Variants in LHFPL3 observed in about 807,000 individuals in gnomAD.
LHFPL3 encodes LHFPL tetraspan subfamily member 3 protein.
In LHFPL3, 5 loss-of-function variants were observed where a neutral mutation model predicts 19.3. The ratio of observed to expected loss-of-function variants is 0.26; its 90% CI spans 0.14 to 0.54. The LOEUF is 0.54. LHFPL3 is among the 20% of genes least tolerant of loss of function. LHFPL3 has a pLI of 0.94. For missense variants in LHFPL3, 249 were observed against 307.4 expected (o/e 0.81, Z 1.42); for synonymous variants, 133 against 126.2 (o/e 1.05, Z -0.36).
chr7:104,698,862 A>G (rs536017706), intron 1 of LHFPL3, among the ~76,000 whole-genome samples: 1 of 152,346 alleles, frequency 6.6e-6, no homozygotes, highest in South Asian at 2.1e-4. Flanking sequence ...AAAAAGACCG[A>G]TATTTTAAAT....
chr7:104,449,364 T>C (rs939158898), intron 1 of LHFPL3, among the ~76,000 whole-genome samples: 3 of 152,200 alleles, frequency 2.0e-5, no homozygotes, highest in Non-Finnish European at 4.4e-5. Flanking sequence ...CTTCCTTTGA[T>C]AGCAAGGTAC....
chr7:104,602,450 G>T (rs373056277), intron 1 of LHFPL3, among the ~76,000 whole-genome samples: 14 of 152,214 alleles, frequency 9.2e-5, no homozygotes, highest in African/African-American at 3.1e-4. Flanking sequence ...GAAGCTAGAA[G>T]ATTCTGAAAA....
At chr7:104,749,914 G>A (rs949754189) in intron 2 of LHFPL3, among the ~76,000 whole-genome samples, 23 of 152,124 alleles carry the variant, frequency 1.5e-4, no homozygotes, top group Non-Finnish European at 2.2e-4. Context: ...ATTTATTTTA[G>A]CCTCAACTGG....
At chr7:104,849,068 C>G (rs1310065993) in intron 2 of LHFPL3, among the ~76,000 whole-genome samples, 3 of 152,002 alleles carry the variant, frequency 2.0e-5, no homozygotes, top group African/African-American at 7.3e-5. Context: ...GTAGCTGGGA[C>G]TACAGGCATG....
At chr7:104,606,136 C>T (rs964311152) in intron 1 of LHFPL3, among the ~76,000 whole-genome samples, 3 of 152,144 alleles carry the variant, frequency 2.0e-5, no homozygotes, top group Non-Finnish European at 4.4e-5. Context: ...GTTGAGATTA[C>T]AGGCGTGAGC....
intron 1 of LHFPL3, among the ~76,000 whole-genome samples, chr7:104,714,087 T>A (rs1186807936): frequency 6.6e-6 from 1 of 152,200 alleles, no homozygotes; most frequent in East Asian, 1.9e-4. Context: ...AAGGTTTTAT[T>A]TATAAACTTT....
At chr7:104,410,880 C>T (rs1791522894) in intron 1 of LHFPL3, among the ~76,000 whole-genome samples, 1 of 152,118 alleles carries the variant, frequency 6.6e-6, no homozygotes, top group Non-Finnish European at 1.5e-5. Context: ...CTAATGCTGA[C>T]ATATTTGAGT....
chr7:104,492,489 G>A (rs62485109), intron 1 of LHFPL3, among the ~76,000 whole-genome samples: 14,129 of 152,278 alleles, frequency 0.093, 787 homozygotes, highest in Middle Eastern at 0.16. Context: ...TACCATGTCA[G>A]GTGTATTAAA....
chr7:104,500,837 C>T (rs573482127), intron 1 of LHFPL3, among the ~76,000 whole-genome samples: 11 of 152,294 alleles, frequency 7.2e-5, no homozygotes, highest in African/African-American at 2.6e-4. Flanking sequence ...TCCTCCTTCA[C>T]GTCTCCCAGC....
intron 1 of LHFPL3, among the ~76,000 whole-genome samples, chr7:104,373,573 A>C (rs774160751): frequency 6.6e-6 from 1 of 152,062 alleles, no homozygotes; most frequent in Non-Finnish European, 1.5e-5. Flanking sequence ...CATGGGCCCA[A>C]GGTGGTCGGG....
At chr7:104,584,202 G>A (rs1343166254) in intron 1 of LHFPL3, among the ~76,000 whole-genome samples, 5 of 151,926 alleles carry the variant, frequency 3.3e-5, no homozygotes, top group South Asian at 2.1e-4. Context: ...GCAACCTATC[G>A]CAAGGACAAA....
intron 1 of LHFPL3, among the ~76,000 whole-genome samples, chr7:104,571,861 T>C (rs1790236677): frequency 6.6e-6 from 1 of 151,970 alleles, no homozygotes; most frequent in Non-Finnish European, 1.5e-5. Flanking sequence ...CTGATGATTC[T>C]CTGGATGCAT....
intron 2 of LHFPL3, among the ~76,000 whole-genome samples, chr7:104,771,814 C>A (rs1432362414): frequency 1.6e-5 from 2 of 122,566 alleles, no homozygotes; most frequent in African/African-American, 3.0e-5. Flanking sequence ...TCTTTTGCCT[C>A]TCTTTTTTTT....
chr7:104,412,020 A>G (rs1457900216), intron 1 of LHFPL3, among the ~76,000 whole-genome samples: 1 of 152,332 alleles, frequency 6.6e-6, no homozygotes, highest in East Asian at 1.9e-4. Context: ...GAACATGGGC[A>G]TAAAATTAAG....
intron 1 of LHFPL3, among the ~76,000 whole-genome samples, chr7:104,334,809 C>T (rs1400482249): frequency 6.6e-6 from 1 of 151,940 alleles, no homozygotes; most frequent in Non-Finnish European, 1.5e-5. Flanking sequence ...GCAAATTTTC[C>T]CTTACCATTT....
rs796884582 is a variant in LHFPL3 at position 104,392,148 on chromosome 7, T to C, written c.445+62924T>C. On this transcript the variant is annotated intron_variant, in intron 1 of 2. Coordinates refer to ENST00000424859, the MANE Select transcript of LHFPL3 (RefSeq NM_199000.3). ...ATCTGCAAACAGGGACAATTTGACT[T>C]CCTCTTTTCCTGATTGAATACCCTT... is the stretch of plus-strand genomic sequence containing the variant. 1.6e-4 allele frequency among the ~76,000 whole-genome samples: 25 copies of C among 152,272 alleles called. 1 individual carries two copies. The South Asian group carries it at 5.0e-3, about 30-fold the overall frequency.
chr7:104,605,981 T>C (rs1279253698), intron 1 of LHFPL3, among the ~76,000 whole-genome samples: 1 of 152,194 alleles, frequency 6.6e-6, no homozygotes, highest in African/African-American at 2.4e-5. Context: ...TTTTCTAATA[T>C]AAAGGCATTG....
At chr7:104,555,713 A>G (rs747933551) in intron 1 of LHFPL3, among the ~76,000 whole-genome samples, 2 of 152,206 alleles carry the variant, frequency 1.3e-5, no homozygotes, top group Admixed American at 6.5e-5. Flanking sequence ...AAAACCAGTC[A>G]TGTCTTCTCA....
chr7:104,483,548 C>T (rs958689451), intron 1 of LHFPL3, among the ~76,000 whole-genome samples: 3 of 152,176 alleles, frequency 2.0e-5, no homozygotes, highest in African/African-American at 4.8e-5. Flanking sequence ...ACTCCTGATA[C>T]ACTTTGAAAT....
Sources: gnomAD v4.1 joint callset for allele counts (sites outside exome capture counted in the v4.1 genomes callset) on GRCh38, gnomAD v4.1.1 for gene constraint, MANE v1.5 for transcripts, NCBI Gene and HGNC (gene_info 2026-07-23, HGNC 2026-07-21) for gene names.